Variants in PLA2G4B observed in about 807,000 individuals in gnomAD.
The protein encoded by PLA2G4B is phospholipase A2 group IVB.
In PLA2G4B, 122 loss-of-function variants were observed where a neutral mutation model predicts 95.8. That is an observed-to-expected ratio of 1.27 (90% CI 1.10 to 1.48). The LOEUF is 1.48. Among genes scored for constraint, PLA2G4B ranks in the 40% most tolerant of loss-of-function variants. The pLI is 0.00. For missense variants in PLA2G4B, 1,158 were observed against 996.2 expected, an observed-to-expected ratio of 1.16 and a Z score of -2.19; for synonymous variants, 518 against 421.5, an observed-to-expected ratio of 1.23 and a Z score of -2.80.
rs762465564 is a variant in PLA2G4B, at chr15:41,847,506, G to A, written c.2117G>A (p.Arg706Gln). ...LHFPLVSDSF[R>Q]EYSAPGVRRT... ...TTTCCTCTGGTCAGCGACTCCTTCCGGGAGTACTCGGCCCCTGGTGAGCTG... is the reference window on the plus strand; with the variant it reads ...TTTCCTCTGGTCAGCGACTCCTTCCAGGAGTACTCGGCCCCTGGTGAGCTG... The change falls in exon 19 of 20, where the codon CGG (arginine) becomes CAG (glutamine). Residue 706 changes from arginine to glutamine, a missense_variant. Arg to Gln is a conservative substitution (Grantham distance 43). Transcript: ENST00000458483. 9.3e-6 allele frequency: 15 copies of A among 1,605,940 alleles called. No homozygotes were observed. Among genetic ancestry groups the A allele is most frequent in the African/African-American group, 4.0e-5 (3 of 74,622 alleles).
rs1448943451 is a variant in PLA2G4B at position 41,846,393 on chromosome 15, C to G, written c.1780+11C>G. On this transcript the variant is annotated intron_variant, in intron 17 of 19. Coordinates refer to ENST00000458483, the MANE Select transcript of PLA2G4B (RefSeq NM_001114633.2). ...TCTCCACATGGAAAGGTACCTGCTT[C>G]TCTCCAAAGTCCTCCTGTGGCCACC... is the stretch of plus-strand genomic sequence containing the variant. 1 of 1,598,700 alleles carries G rather than the reference C, an allele frequency of 6.3e-7. No homozygotes were observed. Among genetic ancestry groups the G allele is most frequent in the Admixed American group, 1.7e-5 (1 of 59,684 alleles).
intron 19 of PLA2G4B, 24 bp downstream of exon 19, chr15:41,847,547 T>A: frequency 6.2e-7 from 1 of 1,602,594 alleles, no homozygotes; most frequent in African/African-American, 1.3e-5. Context: ...CACCTCCCCA[T>A]CCTGCTGCCC....
In PLA2G4B at chr15:41,842,212, T is replaced by C. The variant is rs752809138; in HGVS notation, c.641T>C (p.Leu214Pro). 6.2e-7 allele frequency: 1 copy of C among 1,614,070 alleles called. No homozygotes were observed. Among genetic ancestry groups the C allele is most frequent in the Non-Finnish European group, 8.5e-7 (1 of 1,179,980 alleles). The stretch of plus-strand genomic sequence containing the variant: ...CTGCAGGATGCCCCCGAGGAGCAAC[T>C]AAAGGCGCCACTGAGTGCCCTGCCC... ...IRLQDAPEEQ[L>P]KAPLSALPSG... The change falls in exon 9 of 20, where the codon CTA becomes CCA. Residue 214 changes from leucine (L) to proline (P), a missense_variant. Leu to Pro is a moderately conservative substitution (Grantham distance 98, BLOSUM62 -3). Coordinates refer to ENST00000458483, the MANE Select transcript of PLA2G4B (RefSeq NM_001114633.2).
intron 17 of PLA2G4B, 95 bp from the exon 18 acceptor site, chr15:41,846,565 TGGTTCAGCA>T: frequency 1.3e-6 from 2 of 1,517,574 alleles, no homozygotes; most frequent in Non-Finnish European, 1.8e-6. Context: ...GTGGGGGTGT[TGGTTCAGCA>T]GGAGAGCAGG....
Position 41,841,579 on chromosome 15 carries a change from C to T in PLA2G4B, c.490+8C>T, listed in dbSNP as rs761655743. ...AGACAGGAGACCAGAAGTGTGAGTC[C>T]CCAACCCACTGGGACAGCCCCTGGC... On this transcript the variant is annotated splice_region_variant and intron_variant, in intron 7 of 19. Coordinates refer to ENST00000458483, the MANE Select transcript of PLA2G4B (RefSeq NM_001114633.2). 6 of 1,613,816 alleles carry T rather than the reference C, an allele frequency of 3.7e-6. No individual in the cohort carries two copies. The highest frequency in any genetic ancestry group is 2.2e-5 in the South Asian group (2 of 91,074).
chr15:41,843,655 G>C, intron 10 of PLA2G4B, 21 bp from the exon 11 acceptor site: 1 of 1,611,296 alleles, frequency 6.2e-7, no homozygotes, highest in Non-Finnish European at 8.5e-7. Context: ...CTGTCTCACA[G>C]TCTCTTCCTT....
chr15:41,842,690 C>G, intron 10 of PLA2G4B, 99 bp downstream of exon 10: 1 of 1,530,206 alleles, frequency 6.5e-7, no homozygotes, highest in East Asian at 2.3e-5. Context: ...ACAGCCGCCC[C>G]TCATCCTCAT....
Position 41,847,656 on chromosome 15 carries a change from G to A in PLA2G4B, c.2142G>A (p.Arg714=). 1.2e-6 allele frequency: 2 copies of A among 1,613,596 alleles called. No homozygotes were observed. The highest frequency in any genetic ancestry group is 1.7e-6 in the Non-Finnish European group (2 of 1,180,040). Residue 714 remains arginine (R), a synonymous_variant, in exon 20 of 20, where the codon CGG becomes CGA. Coordinates refer to ENST00000458483, the MANE Select transcript of PLA2G4B (RefSeq NM_001114633.2). Reference sequence around the variant, plus strand: ...GCTGCACTCTCTCCACAGGGGTCCGGCGGACACCCGAGGAGGCGGCAGCTG... The same window carrying A: ...GCTGCACTCTCTCCACAGGGGTCCGACGGACACCCGAGGAGGCGGCAGCTG... ...SFREYSAPGV[R]RTPEEAAAGE...
rs1159620802 is a variant in PLA2G4B at position 41,847,426 on chromosome 15, G to C, written c.2037G>C (p.Arg679=). Residue 679 remains arginine (R), a synonymous_variant, in exon 19 of 20, where the codon CGG becomes CGC. Transcript: ENST00000458483. The part of the protein sequence containing the change: ...SPSPEEQLQP[R]ECHTFSDPTC... ...GCCCCGAAGAGCAGCTCCAGCCTCG[G>C]GAGTGCCACACCTTCTCCGACCCCA... 1.2e-6 allele frequency: 2 copies of C among 1,613,434 alleles called. No homozygotes were observed. Among genetic ancestry groups the C allele is most frequent in the Admixed American group, 1.7e-5 (1 of 60,018 alleles).
Position 41,842,259 on chromosome 15 carries a change from G to C in PLA2G4B, c.688G>C (p.Val230Leu), listed in dbSNP as rs138307106. 6.6e-4 allele frequency: 1,073 copies of C among 1,614,076 alleles called. 11 individuals carry two copies. In the African/African-American group the frequency reaches 0.013, roughly 20 times the overall value. ...ALPSGQVVRL[V>L]FPTSQEPLMR... ...GCCCTCTGGTCAAGTGGTGAGGCTT[G>C]TCTTCCCCACGTCCCAGGTACTGGC... The change falls in exon 9 of 20, where the codon GTC (valine) becomes CTC (leucine). Residue 230 changes from valine (V) to leucine (L), a missense_variant. Transcript: ENST00000458483.
Position 41,844,557 on chromosome 15 carries a change from G to A in PLA2G4B, c.966G>A (p.Leu322=), listed in dbSNP as rs2065497266. The A allele has an allele frequency of 6.2e-7, 1 of 1,614,206 alleles. No individual in the cohort carries two copies. Among genetic ancestry groups the A allele is most frequent in the South Asian group, 1.1e-5 (1 of 91,086 alleles). Reference sequence around the variant, plus strand: ...GGCAGCTGGCTGGCCTGAAGGAGCTGGGCCTCTTGGATTGCGTCTCCTACA... The same window carrying A: ...GGCAGCTGGCTGGCCTGAAGGAGCTAGGCCTCTTGGATTGCGTCTCCTACA... ...LYGQLAGLKE[L]GLLDCVSYIT... The change falls in exon 12 of 20, where the codon CTG becomes CTA. Residue 322 remains leucine (L), a synonymous_variant. Coordinates refer to ENST00000458483, the MANE Select transcript of PLA2G4B (RefSeq NM_001114633.2).
In PLA2G4B at chr15:41,838,918, C is replaced by T. The variant is rs1453874424; in HGVS notation, c.5C>T (p.Ala2Val). The change falls in exon 1 of 20, where the codon GCT becomes GTT. Residue 2 changes from alanine to valine, a missense_variant. Transcript: ENST00000458483. Reference sequence around the variant, plus strand: ...TGCTCCTGAGGACTCAGTCTCATGGCTGTGGTAAGGCCTGGCAGGGCCCTG... The same window carrying T: ...TGCTCCTGAGGACTCAGTCTCATGGTTGTGGTAAGGCCTGGCAGGGCCCTG... M[A>V]VAEVSRTCLL... The T allele has an allele frequency of 6.3e-7, 1 of 1,595,326 alleles. No individual in the cohort carries two copies. Among genetic ancestry groups the T allele is most frequent in the Non-Finnish European group, 8.5e-7 (1 of 1,170,160 alleles).
intron 9 of PLA2G4B, 32 bp from the exon 10 acceptor site, chr15:41,842,522 C>G (rs2065452235): frequency 6.2e-7 from 1 of 1,611,588 alleles, no homozygotes; most frequent in African/African-American, 1.3e-5. Flanking sequence ...AGGTGGCCGA[C>G]CTTTTGTGAC....
intron 10 of PLA2G4B, 51 bp from the exon 11 acceptor site, chr15:41,843,625 T>C: frequency 6.3e-7 from 1 of 1,586,434 alleles, no homozygotes; most frequent in South Asian, 1.1e-5. Context: ...AGCTTTCCAT[T>C]CTCTGGGGAG....
At chr15:41,845,470 A>G in intron 14 of PLA2G4B, 150 bp downstream of exon 14, 1 of 1,449,926 alleles carries the variant, frequency 6.9e-7, no homozygotes, top group Non-Finnish European at 9.2e-7. Context: ...AGGGTCCCTC[A>G]GCCCTTTGGG....
At chr15:41,843,386 G>T (rs1355689949) in intron 10 of PLA2G4B, among the ~76,000 whole-genome samples, 1 of 152,144 alleles carries the variant, frequency 6.6e-6, no homozygotes, top group Non-Finnish European at 1.5e-5. Context: ...TGGAGGGGGG[G>T]GATCTATGGT....
rs76153134 is a variant in PLA2G4B, at chr15:41,840,962, G to A, written c.351+57G>A. 1.3e-4 allele frequency: 210 copies of A among 1,588,866 alleles called. 2 individuals are homozygous for A. The East Asian group carries it at 3.1e-3, about 24-fold the overall frequency. ...GGTGTCTGGGTTGAAATCTCCACGC[G>A]CACACATGCACACACACGCATGTCT... is the stretch of plus-strand genomic sequence containing the variant. On this transcript the variant is annotated intron_variant, in intron 4 of 19. Coordinates refer to ENST00000458483, the MANE Select transcript of PLA2G4B (RefSeq NM_001114633.2).
Position 41,846,033 on chromosome 15 carries a change from A to G in PLA2G4B, c.1586A>G (p.Asn529Ser). The change falls in exon 16 of 20, where the codon AAC becomes AGC. Residue 529 changes from asparagine to serine, a missense_variant. Asn to Ser is a conservative substitution (Grantham distance 46). Transcript: ENST00000458483. The part of the protein sequence containing the change: ...PSQFWDRWVR[N>S]QANLDKEQVP... ...CAGTTCTGGGACCGCTGGGTCAGGA[A>G]CCAGGCCAACCTGGGTAAGTGCTCC... 1 of 1,554,082 alleles carries G rather than the reference A, an allele frequency of 6.4e-7. No homozygotes were observed. Among genetic ancestry groups the G allele is most frequent in the Non-Finnish European group, 8.7e-7 (1 of 1,149,510 alleles).
At chr15:41,846,446 C>T in intron 17 of PLA2G4B, 64 bp downstream of exon 17, 1 of 1,556,158 alleles carries the variant, frequency 6.4e-7, no homozygotes, top group East Asian at 2.3e-5. Context: ...GTCCAGATAC[C>T]CCTCACAGTC....
Sources: gnomAD v4.1 joint callset for allele counts (sites outside exome capture counted in the v4.1 genomes callset) on GRCh38, gnomAD v4.1.1 for gene constraint, MANE v1.5 for transcripts, NCBI Gene and HGNC (gene_info 2026-07-23, HGNC 2026-07-21) for gene names.